The following RWDD2B variants were observed in gnomAD, a reference collection of about 807,000 sequenced individuals.
RWDD2B encodes the protein RWD domain containing 2B.
RWDD2B carries 36 observed loss-of-function variants against 33.6 expected under a neutral mutation model. That is an observed-to-expected ratio of 1.07 (90% CI 0.82 to 1.42). RWDD2B has a LOEUF of 1.42. RWDD2B is among the 40% of genes most tolerant of loss of function. RWDD2B has a pLI of 0.00. For synonymous variants in RWDD2B, 126 were observed against 133.1 expected (o/e 0.95, Z 0.37); for missense variants, 364 against 377.5 (o/e 0.96, Z 0.30).
At chr21:29,008,728 G>A (rs1339671635) in intron 1 of RWDD2B, 107 bp from the exon 2 acceptor site, 7 of 731,624 alleles carry the variant, frequency 9.6e-6, no homozygotes, top group Middle Eastern at 3.5e-4. Context: ...TTCATAAATT[G>A]TACAATTTAA....
chr21:29,008,264 G>T lies in RWDD2B; in HGVS notation c.338C>A (p.Ala113Glu). ...CCTGACAGTAATTTCAGGCAGAACT[G>T]CCGGGTATTTAAAGGGAAGAATACA... ...LACILPFKYP[A>E]VLPEITVRSV... Residue 113 changes from alanine (A) to glutamate (E), a missense_variant, in exon 3 of 5, where the codon GCA (alanine) becomes GAA (glutamate). By Grantham distance (107) the Ala-to-Glu change is moderately radical. Coordinates refer to ENST00000493196, the MANE Select transcript of RWDD2B (RefSeq NM_016940.3). 6.2e-7 allele frequency: 1 copy of T among 1,614,224 alleles called. No homozygotes were observed. The highest frequency in any genetic ancestry group is 8.5e-7 in the Non-Finnish European group (1 of 1,180,024).
At position 29,006,405 on chromosome 21, in the gene RWDD2B, C is replaced by A; in HGVS notation, c.*12G>T. Reference sequence around the variant, plus strand: ...GCCAACAGTGGCAAGATACTTTCAACTACTCTTGATGTCATTGTCCTTCTA... The same window carrying A: ...GCCAACAGTGGCAAGATACTTTCAAATACTCTTGATGTCATTGTCCTTCTA... On this transcript the variant is annotated 3_prime_UTR_variant, in exon 5 of 5. Coordinates refer to ENST00000493196, the MANE Select transcript of RWDD2B (RefSeq NM_016940.3). 1.3e-6 allele frequency: 2 copies of A among 1,521,800 alleles called. No homozygotes were observed. The highest frequency in any genetic ancestry group is 1.4e-5 in the African/African-American group (1 of 71,770). The allele number at this position is 1,521,800 out of a possible 1,614,324, so 94.3% of individuals were successfully genotyped here.
chr21:29,016,563 C>CA (rs1555851813), intron 1 of RWDD2B, among the ~76,000 whole-genome samples: 1 of 148,156 alleles, frequency 6.7e-6, no homozygotes, highest in Non-Finnish European at 1.5e-5. Flanking sequence ...TGCTCCCGGC[C>CA]TTTTTTTTTT....
Position 29,019,274 on chromosome 21 carries a change from T to A in RWDD2B, c.4A>T (p.Lys2Ter). The A allele has an allele frequency of 6.2e-7, 1 of 1,603,072 alleles. No homozygotes were observed. Among genetic ancestry groups the A allele is most frequent in the Non-Finnish European group, 8.5e-7 (1 of 1,175,300 alleles). The change falls in exon 1 of 5, where the codon AAA becomes TAA. Residue 2 changes from lysine to a stop codon, truncating the protein, a stop_gained. Coordinates refer to ENST00000493196, the MANE Select transcript of RWDD2B (RefSeq NM_016940.3). LOFTEE classifies it high-confidence loss of function. The part of the protein sequence containing the change: M[K>*]IELSMQPWNP... Reference sequence around the variant, plus strand: ...CATGGCTGCATGGACAGCTCAATTTTCATCAGAAGGGAGCCTCAAAATTCT... The same window carrying A: ...CATGGCTGCATGGACAGCTCAATTTACATCAGAAGGGAGCCTCAAAATTCT...
rs572311134 is a variant in RWDD2B, at chr21:29,012,635, C to A, written c.68-4014G>T. Among the ~76,000 whole-genome samples the A allele has an allele frequency of 1.2e-3, 188 of 151,884 alleles. 1 individual carries two copies. The highest frequency in any genetic ancestry group is 3.4e-3 in the Middle Eastern group (1 of 294). On this transcript the variant is annotated intron_variant, in intron 1 of 4. Coordinates refer to ENST00000493196, the MANE Select transcript of RWDD2B (RefSeq NM_016940.3). ...CAAGTACCCAGGGACACAAACACTG[C>A]GGAAGGCCGCAGGGTCCTCTGCCTA...
chr21:29,008,653 C>T lies in RWDD2B; in HGVS notation c.68-32G>A, dbSNP rs2084842120. 7 of 1,432,394 alleles carry T rather than the reference C, an allele frequency of 4.9e-6. No individual in the cohort carries two copies. The East Asian group carries it at 1.6e-4, about 33-fold the overall frequency. The allele number at this position is 1,432,394 out of a possible 1,614,324, so 88.7% of individuals were successfully genotyped here. On this transcript the variant is annotated intron_variant, in intron 1 of 4. Transcript: ENST00000493196. ...AGGTAAAGATAAGAGAGACAATTTA[C>T]ATATGCAATCTTGGAAGAAATGAAT...
At chr21:29,008,865 A>G (rs2146335470) in intron 1 of RWDD2B, among the ~76,000 whole-genome samples, 1 of 152,344 alleles carries the variant, frequency 6.6e-6, no homozygotes, top group East Asian at 1.9e-4. Context: ...AATAGTAAGT[A>G]GACACCACAT....
chr21:29,018,913 A>AT (rs1019833659), intron 1 of RWDD2B, among the ~76,000 whole-genome samples: 22 of 151,848 alleles, frequency 1.4e-4, no homozygotes, highest in African/African-American at 4.1e-4. Context: ...TTCCTTGCAG[A>AT]TTTTTTTTTG....
intron 1 of RWDD2B, among the ~76,000 whole-genome samples, chr21:29,014,875 T>C (rs1287033574): frequency 6.6e-6 from 1 of 152,012 alleles, no homozygotes; most frequent in East Asian, 1.9e-4. Flanking sequence ...AAATTATATT[T>C]CTTTAATAAT....
At chr21:29,010,890 CA>C (rs1277589024) in intron 1 of RWDD2B, among the ~76,000 whole-genome samples, 1 of 152,164 alleles carries the variant, frequency 6.6e-6, no homozygotes, top group African/African-American at 2.4e-5. Flanking sequence ...GGCTGGTCTC[CA>C]GCTCCTAACC....
Position 29,005,229 on chromosome 21 carries a change from G to C in RWDD2B, c.*1188C>G, listed in dbSNP as rs116781441. 166 of 152,246 alleles carry C rather than the reference G, an allele frequency of 1.1e-3. 2 individuals are homozygous for C. The highest frequency in any genetic ancestry group is 3.9e-3 in the African/African-American group (162 of 41,540). 9.4% of individuals were successfully genotyped at this position (152,246 alleles called of 1,614,324 possible). On this transcript the variant is annotated 3_prime_UTR_variant, in exon 5 of 5. Coordinates refer to ENST00000493196, the MANE Select transcript of RWDD2B (RefSeq NM_016940.3). ...ATTACTAATTTGATGAATTGTTGAG[G>C]CTTGTTAAAAAAGTTTAAGCCCTAC...
intron 1 of RWDD2B, 54 bp downstream of exon 1, chr21:29,019,157 G>A (rs1159040067): frequency 7.0e-7 from 1 of 1,431,988 alleles, no homozygotes; most frequent in Admixed American, 1.9e-5. Context: ...GGGCGCTGCA[G>A]CGTGGGAAAC....
intron 1 of RWDD2B, among the ~76,000 whole-genome samples, chr21:29,011,226 C>T (rs1568870183): frequency 6.6e-6 from 1 of 150,892 alleles, no homozygotes; most frequent in Non-Finnish European, 1.5e-5. Flanking sequence ...AAGTGAGGAG[C>T]GCCTCTTCCC....
chr21:29,008,497 T>C lies in RWDD2B; in HGVS notation c.192A>G (p.Val64=). The change falls in exon 2 of 5, where the codon GTA becomes GTG. Residue 64 remains valine (V), a synonymous_variant. Transcript: ENST00000493196. ...NELIVNDQLA[V]AELKDCIEKK... ...TTTCAATACAATCTTTCAGTTCTGC[T>C]ACAGCCAGCTGGTCATTCACTATGA... The C allele has an allele frequency of 6.2e-7, 1 of 1,614,226 alleles. No homozygotes were observed. The highest frequency in any genetic ancestry group is 8.5e-7 in the Non-Finnish European group (1 of 1,180,034).
Position 29,006,607 on chromosome 21 carries a change from T to G in RWDD2B, c.770A>C (p.Glu257Ala). The change falls in exon 5 of 5, where the codon GAA becomes GCA. Residue 257 changes from glutamate (E) to alanine (A), a missense_variant. Transcript: ENST00000493196. Reference sequence around the variant, plus strand: ...ATTTGTACCATCAAAAGGAATGTCTTCTCGATGGCGAATTAAAATTCTCTT... The same window carrying G: ...ATTTGTACCATCAAAAGGAATGTCTGCTCGATGGCGAATTAAAATTCTCTT... Reference protein sequence around the residue: ...NWKRILIRHREDIPFDGTNDE... With the variant: ...NWKRILIRHRADIPFDGTNDE... 1 of 1,608,720 alleles carries G rather than the reference T, an allele frequency of 6.2e-7. No individual in the cohort carries two copies. Among genetic ancestry groups the G allele is most frequent in the South Asian group, 1.1e-5 (1 of 89,572 alleles).
chr21:29,018,442 T>C (rs189850086), intron 1 of RWDD2B, among the ~76,000 whole-genome samples: 10 of 152,282 alleles, frequency 6.6e-5, no homozygotes, highest in Non-Finnish European at 1.2e-4. Context: ...TCAACACTTA[T>C]TTGGAACTAT....
intron 1 of RWDD2B, among the ~76,000 whole-genome samples, chr21:29,011,429 C>T (rs1339547779): frequency 3.3e-5 from 5 of 149,322 alleles, no homozygotes; most frequent in Admixed American, 6.6e-5. Context: ...CCCCTCCGCC[C>T]GGCAGCCGCT....
Position 29,006,586 on chromosome 21 carries a change from G to C in RWDD2B, c.791C>G (p.Thr264Arg). The C allele has an allele frequency of 1.9e-6, 3 of 1,613,546 alleles. No individual in the cohort carries two copies. Among genetic ancestry groups the C allele is most frequent in the Non-Finnish European group, 2.5e-6 (3 of 1,179,730 alleles). The change falls in exon 5 of 5, where the codon ACA (threonine) becomes AGA (arginine). Residue 264 changes from threonine (T) to arginine (R), a missense_variant. By Grantham distance (71) the Thr-to-Arg change is moderately conservative. Transcript: ENST00000493196. Reference sequence around the variant, plus strand: ...CCTTTGTCTTTCCGTTTCATCATTTGTACCATCAAAAGGAATGTCTTCTCG... The same window carrying C: ...CCTTTGTCTTTCCGTTTCATCATTTCTACCATCAAAAGGAATGTCTTCTCG... ...RHREDIPFDG[T>R]NDETERQRKF...
rs3831198 is a variant in RWDD2B, at chr21:29,005,035, CAAATTAGCAAATAAT to C, written c.*1367_*1381del. 3 of 152,180 alleles carry C rather than the reference CAAATTAGCAAATAAT, an allele frequency of 2.0e-5. No individual in the cohort carries two copies. In the East Asian group the frequency reaches 5.8e-4, roughly 29 times the overall value. 9.4% of individuals were successfully genotyped at this position (152,180 alleles called of 1,614,324 possible). ...CAACCTGCATCAACCTGCATGCTAG[CAAATTAGCAAATAAT>C]AAATGCTTTTGGAACTAACTGGTTT... is the stretch of plus-strand genomic sequence containing the variant. On this transcript the variant is annotated 3_prime_UTR_variant, in exon 5 of 5. Transcript: ENST00000493196.
Sources: gnomAD v4.1 joint callset for allele counts (sites outside exome capture counted in the v4.1 genomes callset) on GRCh38, gnomAD v4.1.1 for gene constraint, MANE v1.5 for transcripts, NCBI Gene and HGNC (gene_info 2026-07-23, HGNC 2026-07-21) for gene names.